Variants in CDK6 observed in about 807,000 individuals in gnomAD.
CDK6 encodes cyclin-dependent kinase 6.
CDK6 carries 6 observed loss-of-function variants against 37.1 expected under a neutral mutation model. The ratio of observed to expected loss-of-function variants is 0.16; its 90% CI spans 0.09 to 0.32. The LOEUF is 0.32. CDK6 is among the 10% of genes least tolerant of loss of function. The pLI, the probability that CDK6 is intolerant of heterozygous loss-of-function variation, is 1.00. For missense variants in CDK6, 224 were observed against 418.9 expected, an observed-to-expected ratio of 0.53 and a Z score of 4.06; for synonymous variants, 160 against 161.3, an observed-to-expected ratio of 0.99 and a Z score of 0.06.
At chr7:92,823,947 G>A (rs1801245290) in intron 2 of CDK6, among the ~76,000 whole-genome samples, 1 of 152,056 alleles carries the variant, frequency 6.6e-6, no homozygotes, top group African/African-American at 2.4e-5. Context: ...AATTACAGGT[G>A]TGAGCCACTG....
intron 3 of CDK6, among the ~76,000 whole-genome samples, chr7:92,730,757 T>C (rs941575440): frequency 2.0e-5 from 3 of 152,212 alleles, no homozygotes; most frequent in African/African-American, 7.2e-5. Flanking sequence ...TATGTATATA[T>C]GACATTTTGT....
At chr7:92,684,882 T>G (rs1171639997) in intron 4 of CDK6, among the ~76,000 whole-genome samples, 1 of 152,114 alleles carries the variant, frequency 6.6e-6, no homozygotes, top group Admixed American at 6.5e-5. Flanking sequence ...TTACTTGACA[T>G]AAGAATTCTT....
chr7:92,778,102 A>C (rs1470649497), intron 2 of CDK6, among the ~76,000 whole-genome samples: 1 of 151,260 alleles, frequency 6.6e-6, no homozygotes, highest in East Asian at 1.9e-4. Context: ...AAAAAAAAAA[A>C]CCAAAACCAA....
At chr7:92,732,984 T>C (rs577389533) in intron 3 of CDK6, among the ~76,000 whole-genome samples, 2 of 152,384 alleles carry the variant, frequency 1.3e-5, no homozygotes, top group South Asian at 4.1e-4. Flanking sequence ...CTTGTAGTTA[T>C]GTATATAATA....
intron 2 of CDK6, among the ~76,000 whole-genome samples, chr7:92,788,682 T>C (rs192627004): frequency 6.6e-6 from 1 of 152,110 alleles, no homozygotes. Flanking sequence ...AATTAAACTA[T>C]GAAAACCAAA....
At chr7:92,803,662 C>G (rs900629884) in intron 2 of CDK6, among the ~76,000 whole-genome samples, 1 of 152,090 alleles carries the variant, frequency 6.6e-6, no homozygotes, top group Non-Finnish European at 1.5e-5. Flanking sequence ...GGTAGACATT[C>G]AAGACCATTT....
At chr7:92,671,235 A>G (rs1489302496) in intron 5 of CDK6, 191 bp downstream of exon 5, 1 of 388,142 alleles carries the variant, frequency 2.6e-6, no homozygotes, top group Non-Finnish European at 4.6e-6. Flanking sequence ...GCTGCAAGCT[A>G]CAGTCATATA....
At chr7:92,681,959 C>T (rs904950258) in intron 4 of CDK6, among the ~76,000 whole-genome samples, 35 of 152,330 alleles carry the variant, frequency 2.3e-4, no homozygotes, top group African/African-American at 8.4e-4. Context: ...CATGCATTGT[C>T]ATTCCTCTGA....
intron 3 of CDK6, among the ~76,000 whole-genome samples, chr7:92,732,239 G>A (rs1798666767): frequency 6.6e-6 from 1 of 152,108 alleles, no homozygotes; most frequent in African/African-American, 2.4e-5. Context: ...ACAACACAGG[G>A]AGACCCTGTC....
chr7:92,759,263 G>A (rs1215176393), intron 3 of CDK6, among the ~76,000 whole-genome samples: 1 of 152,074 alleles, frequency 6.6e-6, no homozygotes, highest in Non-Finnish European at 1.5e-5. Flanking sequence ...CATTTCCCCT[G>A]GCAACATGCT....
chr7:92,702,572 A>T (rs935625317), intron 4 of CDK6, among the ~76,000 whole-genome samples: 1 of 152,026 alleles, frequency 6.6e-6, no homozygotes, highest in Admixed American at 6.5e-5. Flanking sequence ...TTCCATCTTA[A>T]CTAGGCATTG....
intron 3 of CDK6, among the ~76,000 whole-genome samples, chr7:92,759,703 AAAAAAAAAAAAAAG>A (rs1799405690): frequency 6.7e-6 from 1 of 150,108 alleles, no homozygotes; most frequent in Non-Finnish European, 1.5e-5. Flanking sequence ...AAGGCAAAAA[AAAAAAAAAAAAAAG>A]AAAAAAGAAA....
chr7:92,756,094 G>T (rs913690010), intron 3 of CDK6, among the ~76,000 whole-genome samples: 1 of 151,626 alleles, frequency 6.6e-6, no homozygotes, highest in African/African-American at 2.4e-5. Context: ...TAAAAAGGTG[G>T]CTCTGTTATA....
intron 5 of CDK6, among the ~76,000 whole-genome samples, chr7:92,649,321 T>C (rs1379269766): frequency 6.6e-6 from 1 of 152,192 alleles, no homozygotes; most frequent in Non-Finnish European, 1.5e-5. Flanking sequence ...ACTGCTATAA[T>C]GCCAACATTA....
At chr7:92,615,448 A>G (rs1795656262) in intron 7 of CDK6, among the ~76,000 whole-genome samples, 162 bp from the exon 8 acceptor site, 2 of 152,200 alleles carry the variant, frequency 1.3e-5, no homozygotes, top group Admixed American at 6.5e-5. Context: ...CAGTACTCAT[A>G]TATATCCCTA....
intron 2 of CDK6, among the ~76,000 whole-genome samples, chr7:92,815,552 G>A (rs1801007511): frequency 6.6e-6 from 1 of 152,166 alleles, no homozygotes; most frequent in African/African-American, 2.4e-5. Context: ...CCCTGAGAGA[G>A]GGGAAGCAAA....
At chr7:92,734,629 G>A (rs1325043994) in intron 3 of CDK6, among the ~76,000 whole-genome samples, 1 of 152,114 alleles carries the variant, frequency 6.6e-6, no homozygotes, top group East Asian at 1.9e-4. Context: ...AACTAAAAAT[G>A]ACCATGAAAT....
rs11285626 is a variant in CDK6, at chr7:92,711,552, ATTTTTTTTT to A, written c.537+14065_537+14073del. Among the ~76,000 whole-genome samples the A allele has an allele frequency of 3.1e-3, 177 of 56,628 alleles. 1 individual carries two copies. The highest frequency in any genetic ancestry group is 0.013 in the African/African-American group (164 of 12,216). 37.2% of individuals were successfully genotyped at this position (56,628 alleles called of 152,430 possible). A position where few individuals can be genotyped will look rare whatever the true frequency, so the allele number is the denominator to read the frequency against. ...TTTTTTACCTACCTGGAATGGTCAA[ATTTTTTTTT>A]TTTTTTTTTTTTTTTTTTTTTTAAG... On this transcript the variant is annotated intron_variant, in intron 4 of 7. Coordinates refer to ENST00000424848, the MANE Select transcript of CDK6 (RefSeq NM_001145306.2).
chr7:92,643,445 C>A (rs529480905), intron 5 of CDK6, among the ~76,000 whole-genome samples: 1 of 151,904 alleles, frequency 6.6e-6, no homozygotes, highest in African/African-American at 2.4e-5. Context: ...ATAAGACTGA[C>A]GTGGTCCCTG....
Sources: gnomAD v4.1 joint callset for allele counts (sites outside exome capture counted in the v4.1 genomes callset) on GRCh38, gnomAD v4.1.1 for gene constraint, MANE v1.5 for transcripts, NCBI Gene and HGNC (gene_info 2026-07-23, HGNC 2026-07-21) for gene names.